USP46: variants seen among roughly 807,000 people sequenced by gnomAD.
USP46 encodes ubiquitin specific peptidase 46.
USP46 carries 12 observed loss-of-function variants against 44.4 expected under a neutral mutation model. The ratio of observed to expected loss-of-function variants is 0.27; its 90% CI spans 0.17 to 0.44. The LOEUF is 0.44. USP46 is among the 20% of genes least tolerant of loss of function. The pLI is 1.00. For missense variants in USP46, 248 were observed against 444.8 expected (o/e 0.56, Z 3.98); for synonymous variants, 155 against 161.5 (o/e 0.96, Z 0.31).
rs187429942 is a variant in USP46 at position 52,631,037 on chromosome 4, T to C, written c.117+27A>G. 2.1e-4 allele frequency: 329 copies of C among 1,541,610 alleles called. No individual in the cohort carries two copies. The African/African-American group carries it at 4.1e-3, about 19-fold the overall frequency. ...GCTTCATATACCCTAAAACATTTGATGAAAATAATACATTTTACATACTTA... is the reference window on the plus strand; with the variant it reads ...GCTTCATATACCCTAAAACATTTGACGAAAATAATACATTTTACATACTTA... On this transcript the variant is annotated intron_variant, in intron 2 of 8. Coordinates refer to ENST00000441222, the MANE Select transcript of USP46 (RefSeq NM_022832.4).
chr4:52,644,814 T>C (rs1718483123), intron 1 of USP46, among the ~76,000 whole-genome samples: 1 of 151,440 alleles, frequency 6.6e-6, no homozygotes, highest in Non-Finnish European at 1.5e-5. Flanking sequence ...TCCCAGCACT[T>C]TGAGAGGCCG....
intron 4 of USP46, among the ~76,000 whole-genome samples, chr4:52,619,526 C>T (rs1183415673): frequency 6.6e-6 from 1 of 152,106 alleles, no homozygotes; most frequent in African/African-American, 2.4e-5. Flanking sequence ...AGGCTGTCTG[C>T]CCTAGGCAAA....
intron 5 of USP46, 68 bp from the exon 6 acceptor site, chr4:52,604,652 C>A (rs1015034282): frequency 2.9e-6 from 3 of 1,018,530 alleles, no homozygotes; most frequent in East Asian, 2.7e-5. Flanking sequence ...GTTTTAAATC[C>A]CTCAATTAAC....
intron 1 of USP46, among the ~76,000 whole-genome samples, chr4:52,641,684 C>T (rs1718346817): frequency 6.6e-6 from 1 of 152,168 alleles, no homozygotes; most frequent in Non-Finnish European, 1.5e-5. Context: ...GACCAGGAAG[C>T]ATCCTTGGAG....
chr4:52,631,348 A>T (rs994010293), intron 1 of USP46, among the ~76,000 whole-genome samples: 2 of 152,214 alleles, frequency 1.3e-5, no homozygotes, highest in African/African-American at 4.8e-5. Context: ...CATTCAACTT[A>T]TTCATCCCCT....
chr4:52,623,423 G>C (rs1174461957), intron 4 of USP46, among the ~76,000 whole-genome samples: 2 of 152,088 alleles, frequency 1.3e-5, no homozygotes, highest in African/African-American at 4.8e-5. Context: ...TAACACAAAA[G>C]ACAGAGGGCG....
intron 1 of USP46, among the ~76,000 whole-genome samples, chr4:52,657,890 C>A (rs139724790): frequency 9.2e-5 from 14 of 152,306 alleles, no homozygotes; most frequent in African/African-American, 3.1e-4. Context: ...CACAAGGCTT[C>A]TTAATGCTCC....
chr4:52,653,004 G>A (rs997326720), intron 1 of USP46, among the ~76,000 whole-genome samples: 9 of 152,274 alleles, frequency 5.9e-5, no homozygotes, highest in African/African-American at 1.9e-4. Context: ...TTGGCCCTAT[G>A]AGGGTAAAGT....
intron 5 of USP46, 130 bp downstream of exon 5, chr4:52,610,411 G>T: frequency 3.9e-6 from 3 of 772,272 alleles, no homozygotes; most frequent in Non-Finnish European, 6.2e-6. Context: ...TGGGAAAGGA[G>T]AGATAGAAAA....
rs1172710959 is a variant in USP46, at chr4:52,592,929, G to A, written c.*4711C>T. 2.5e-6 allele frequency: 1 copy of A among 398,176 alleles called. No individual in the cohort carries two copies. The highest frequency in any genetic ancestry group is 3.6e-5 in the East Asian group (1 of 28,046). 24.7% of individuals were successfully genotyped at this position (398,176 alleles called of 1,614,324 possible). On this transcript the variant is annotated 3_prime_UTR_variant, in exon 9 of 9. Coordinates refer to ENST00000441222, the MANE Select transcript of USP46 (RefSeq NM_022832.4). ...TGTAAGATGGGCTTGCTTTCCCTTT[G>A]CCTTCTGCTGATTGTAAGTTTCCTG...
At chr4:52,650,747 G>A (rs1718726600) in intron 1 of USP46, among the ~76,000 whole-genome samples, 2 of 152,104 alleles carry the variant, frequency 1.3e-5, no homozygotes, top group Non-Finnish European at 2.9e-5. Context: ...AGCCAGTGCT[G>A]AAAATCTCTG....
At chr4:52,630,677 C>T (rs991404324) in intron 2 of USP46, among the ~76,000 whole-genome samples, 1 of 143,620 alleles carries the variant, frequency 7.0e-6, no homozygotes, top group Non-Finnish European at 1.5e-5. Flanking sequence ...GTGGAGGTTG[C>T]AGTGAGTCAA....
At chr4:52,624,593 T>A (rs944121423) in intron 4 of USP46, among the ~76,000 whole-genome samples, 1 of 152,188 alleles carries the variant, frequency 6.6e-6, no homozygotes, top group African/African-American at 2.4e-5. Context: ...TCCCTTTACA[T>A]AGATGTTGAT....
Position 52,598,523 on chromosome 4 carries a change from T to C in USP46, c.999+105A>G. On this transcript the variant is annotated intron_variant, in intron 8 of 8. Transcript: ENST00000441222. Reference sequence around the variant, plus strand: ...ATACAAATTTAAGTTGTTTTCAAATTACATTATGGGGAAACAGGCCTATTT... The same window carrying C: ...ATACAAATTTAAGTTGTTTTCAAATCACATTATGGGGAAACAGGCCTATTT... 9 of 1,208,722 alleles carry C rather than the reference T, an allele frequency of 7.4e-6. No individual in the cohort carries two copies. In the South Asian group the frequency reaches 9.6e-5, roughly 13 times the overall value. The allele number at this position is 1,208,722 out of a possible 1,614,324, so 74.9% of individuals were successfully genotyped here.
intron 4 of USP46, among the ~76,000 whole-genome samples, chr4:52,621,139 T>C (rs909164586): frequency 2.0e-5 from 3 of 152,170 alleles, no homozygotes; most frequent in East Asian, 3.9e-4. Context: ...TAAAAACTTA[T>C]AGAAGCTCTT....
chr4:52,645,224 C>CAAA (rs74266163), intron 1 of USP46, among the ~76,000 whole-genome samples: 6 of 79,812 alleles, frequency 7.5e-5, no homozygotes, highest in South Asian at 4.6e-4. Context: ...GACTCTATCT[C>CAAA]AAAAAAAAAA....
intron 4 of USP46, among the ~76,000 whole-genome samples, chr4:52,614,891 C>T (rs1273607958): frequency 6.6e-6 from 1 of 152,028 alleles, no homozygotes; most frequent in Non-Finnish European, 1.5e-5. Context: ...GAATATACAC[C>T]TATATATTTA....
chr4:52,603,203 C>A (rs896623293), intron 6 of USP46, among the ~76,000 whole-genome samples: 1 of 152,124 alleles, frequency 6.6e-6, no homozygotes. Context: ...CAGGGCTGAA[C>A]AAAAAATGTC....
At chr4:52,606,997 A>G (rs1410377774) in intron 5 of USP46, among the ~76,000 whole-genome samples, 1 of 152,120 alleles carries the variant, frequency 6.6e-6, no homozygotes, top group Non-Finnish European at 1.5e-5. Context: ...CAGGGAGATG[A>G]GTGTGGGTGT....
Sources: allele counts gnomAD v4.1 joint callset (sites outside exome capture counted in the v4.1 genomes callset), GRCh38; gene constraint gnomAD v4.1.1; transcripts MANE v1.5; gene names NCBI Gene and HGNC (gene_info 2026-07-23, HGNC 2026-07-21).